The following LAMA1 variants were observed in gnomAD, a reference collection of about 807,000 sequenced individuals.
LAMA1 encodes the protein laminin subunit alpha-1.
LAMA1 carries 219 observed loss-of-function variants against 348.7 expected under a neutral mutation model. The observed-to-expected ratio is 0.63, with a 90% CI of 0.56 to 0.70. The LOEUF is 0.70. Among genes scored for constraint, LAMA1 ranks in the 30% least tolerant of loss-of-function variants. LAMA1 has a pLI of 0.00. For missense variants in LAMA1, 3,744 were observed against 3,888.0 expected (o/e 0.96, Z 0.99); for synonymous variants, 1,487 against 1,491.0 (o/e 1.00, Z 0.06).
rs2057729758 is a variant in LAMA1 at position 6,985,368 on chromosome 18, T to C, written c.5529A>G (p.Leu1843=). The change falls in exon 39 of 63, where the codon TTA becomes TTG. Residue 1843 remains leucine (L), a synonymous_variant. Transcript: ENST00000389658. ...HLEDHQDKLL[L]WSAKIRHHID... ...TGTGGTGCCTGATTTTGGCAGACCA[T>C]AAAAGTAGCTTATCCTGGTGATCCT... 6.2e-7 allele frequency: 1 copy of C among 1,614,220 alleles called. No individual in the cohort carries two copies. The highest frequency in any genetic ancestry group is 8.5e-7 in the Non-Finnish European group (1 of 1,180,038).
At chr18:7,057,798 CT>C (rs544422864) in intron 3 of LAMA1, among the ~76,000 whole-genome samples, 23,621 of 132,914 alleles carry the variant, frequency 0.18, 1,881 homozygotes, top group Admixed American at 0.21. Flanking sequence ...TTCTTTCTTT[CT>C]TTTTTTTTTT....
rs762430103 is a variant in LAMA1 at position 7,050,853 on chromosome 18, G to A, written c.429C>T (p.Gly143=). The A allele has an allele frequency of 2.5e-6, 4 of 1,614,200 alleles. No individual in the cohort carries two copies. The highest frequency in any genetic ancestry group is 3.4e-6 in the Non-Finnish European group (4 of 1,180,036). ...AATACTGCCAGGGGCTGAACGTGGT[G>A]CCATCCAGAGAACGCTCCAAAATCC... is the stretch of plus-strand genomic sequence containing the variant. ...GNWILERSLD[G]TTFSPWQYYA... is the part of the protein sequence containing the mutation. The change falls in exon 4 of 63, where the codon GGC becomes GGT. Residue 143 remains glycine, a synonymous_variant. Coordinates refer to ENST00000389658, the MANE Select transcript of LAMA1 (RefSeq NM_005559.4).
intron 3 of LAMA1, chr18:7,079,368 A>G (rs549639338): frequency 6.4e-6 from 1 of 156,890 alleles, no homozygotes; most frequent in South Asian, 1.9e-4. Context: ...CCATCCTCCT[A>G]TGTGGACTTG....
intron 48 of LAMA1, among the ~76,000 whole-genome samples, chr18:6,970,522 A>T (rs921335562): frequency 2.0e-5 from 3 of 152,180 alleles, no homozygotes; most frequent in Non-Finnish European, 4.4e-5. Flanking sequence ...TCAGGGAAGA[A>T]AATTTTGGTG....
chr18:7,041,324 T>C (rs879726325), intron 9 of LAMA1, among the ~76,000 whole-genome samples: 1 of 152,136 alleles, frequency 6.6e-6, no homozygotes, highest in African/African-American at 2.4e-5. Flanking sequence ...AAATGATATA[T>C]TTTTTTAAAT....
At chr18:7,019,425 T>C (rs1257963514) in intron 19 of LAMA1, among the ~76,000 whole-genome samples, 1 of 152,144 alleles carries the variant, frequency 6.6e-6, no homozygotes, top group East Asian at 1.9e-4. Context: ...TAAAGTTCAA[T>C]GCAAGTATGA....
intron 40 of LAMA1, 66 bp downstream of exon 40, chr18:6,983,033 C>T: frequency 6.2e-7 from 1 of 1,609,240 alleles, no homozygotes; most frequent in Non-Finnish European, 8.5e-7. Flanking sequence ...CACTGAATCT[C>T]TGCTCAAACC....
intron 3 of LAMA1, chr18:7,079,474 C>T (rs16951198): frequency 0.036 from 6,980 of 191,388 alleles, 486 homozygotes; most frequent in African/African-American, 0.15. Flanking sequence ...TATTGGGCAA[C>T]TCCAGCTTAC....
chr18:7,115,815 A>AAAACAAAAC (rs1491539551), intron 1 of LAMA1, among the ~76,000 whole-genome samples: 1 of 31,068 alleles, frequency 3.2e-5, no homozygotes, highest in South Asian at 1.5e-3. Context: ...CTAAAAATAC[A>AAAACAAAAC]AAAAAAAAAA....
intron 29 of LAMA1, among the ~76,000 whole-genome samples, chr18:7,004,647 C>T (rs1490656085): frequency 6.6e-6 from 1 of 152,174 alleles, no homozygotes; most frequent in African/African-American, 2.4e-5. Context: ...CCACTGCGCC[C>T]GGCCCCAATC....
At chr18:7,085,653 C>T (rs903827110) in intron 1 of LAMA1, among the ~76,000 whole-genome samples, 8 of 152,014 alleles carry the variant, frequency 5.3e-5, no homozygotes, top group South Asian at 4.1e-4. Flanking sequence ...CTCCTGACTT[C>T]CTGATCCGCC....
chr18:7,075,366 T>A (rs2143772632), intron 3 of LAMA1, among the ~76,000 whole-genome samples: 1 of 152,274 alleles, frequency 6.6e-6, no homozygotes. Flanking sequence ...CTCACACCTG[T>A]GATCCCGGCA....
At chr18:7,043,956 C>T (rs967533268) in intron 7 of LAMA1, among the ~76,000 whole-genome samples, 3 of 151,946 alleles carry the variant, frequency 2.0e-5, no homozygotes, top group African/African-American at 7.3e-5. Flanking sequence ...GAGATGGAGA[C>T]CATCCTGGCT....
chr18:6,985,688 C>T (rs757042194), intron 37 of LAMA1, 45 bp from the exon 38 acceptor site: 5 of 1,251,592 alleles, frequency 4.0e-6, no homozygotes, highest in Non-Finnish European at 5.9e-6. Context: ...AAAAGCAACC[C>T]TGCTTCTGAC....
At chr18:6,951,419 CAG>C (rs2057546208) in intron 57 of LAMA1, among the ~76,000 whole-genome samples, 1 of 152,194 alleles carries the variant, frequency 6.6e-6, no homozygotes, top group Non-Finnish European at 1.5e-5. Flanking sequence ...GTGGGGGAAC[CAG>C]AGTTACTGCA....
rs756804873 is a variant in LAMA1 at position 7,015,821 on chromosome 18, T to C, written c.3027A>G (p.Pro1009=). Reference sequence around the variant, plus strand: ...GGGGGCAGACACACTCTCCAGTTTCTGGGTCGCAGGTATTCTGAGTGTGTG... The same window carrying C: ...GGGGGCAGACACACTCTCCAGTTTCCGGGTCGCAGGTATTCTGAGTGTGTG... The part of the protein sequence containing the change: ...DCPHTQNTCD[P]ETGECVCPPH... Residue 1009 remains proline, a synonymous_variant, in exon 22 of 63, where the codon CCA becomes CCG. Coordinates refer to ENST00000389658, the MANE Select transcript of LAMA1 (RefSeq NM_005559.4). The C allele has an allele frequency of 3.7e-6, 6 of 1,614,126 alleles. No individual in the cohort carries two copies. The highest frequency in any genetic ancestry group is 5.1e-6 in the Non-Finnish European group (6 of 1,180,014).
intron 28 of LAMA1, among the ~76,000 whole-genome samples, chr18:7,007,998 T>C (rs1385467121): frequency 1.3e-5 from 2 of 152,138 alleles, no homozygotes; most frequent in Non-Finnish European, 2.9e-5. Context: ...AATGGCACGA[T>C]CTCGGCTCAC....
chr18:7,088,812 G>A (rs1340476248), intron 1 of LAMA1, among the ~76,000 whole-genome samples: 3 of 152,144 alleles, frequency 2.0e-5, no homozygotes, highest in African/African-American at 7.2e-5. Flanking sequence ...GTGAGCCACA[G>A]TGCCTGCTGT....
chr18:7,099,719 T>TA (rs749880002), intron 1 of LAMA1, among the ~76,000 whole-genome samples: 9 of 150,072 alleles, frequency 6.0e-5, no homozygotes, highest in African/African-American at 2.0e-4. Context: ...TAATAAAAAA[T>TA]AAAAAAAACC....
Sources: allele counts gnomAD v4.1 joint callset (sites outside exome capture counted in the v4.1 genomes callset), GRCh38; gene constraint gnomAD v4.1.1; transcripts MANE v1.5; gene names NCBI Gene and HGNC (gene_info 2026-07-23, HGNC 2026-07-21).